Variants in ZBTB20 observed in about 807,000 individuals in gnomAD.
The protein encoded by ZBTB20 is zinc finger and BTB domain containing 20.
ZBTB20 carries 9 observed loss-of-function variants against 56.9 expected under a neutral mutation model. The observed-to-expected ratio is 0.16, with a 90% confidence interval of 0.10 to 0.28. The LOEUF (loss-of-function observed/expected upper bound fraction) is 0.28, where lower values mean the gene tolerates loss of function less well. Ranked by LOEUF, ZBTB20 falls within the 10% of genes least tolerant of loss-of-function variation. The pLI, the probability that ZBTB20 is intolerant of heterozygous loss-of-function variation, is 1.00. For missense variants in ZBTB20, 655 were observed against 1,003.0 expected, an observed-to-expected ratio of 0.65 and a Z score of 4.69; for synonymous variants, 417 against 420.7, an observed-to-expected ratio of 0.99 and a Z score of 0.11.
chr3:114,923,426 T>C (rs2076032337), intron 3 of ZBTB20, among the ~76,000 whole-genome samples: 1 of 152,156 alleles, frequency 6.6e-6, no homozygotes, highest in South Asian at 2.1e-4. Flanking sequence ...CACACTTGTA[T>C]GGTTAACTAA....
chr3:115,143,266 A>C (rs1326821670), intron 1 of ZBTB20, among the ~76,000 whole-genome samples: 1 of 152,216 alleles, frequency 6.6e-6, no homozygotes, highest in Non-Finnish European at 1.5e-5. Flanking sequence ...TGCCAATCAA[A>C]TGCTTTTGAA....
chr3:114,488,014 T>C (rs761331530), intron 7 of ZBTB20, among the ~76,000 whole-genome samples: 4 of 152,240 alleles, frequency 2.6e-5, no homozygotes, highest in Admixed American at 6.5e-5. Flanking sequence ...TTCTGGAGTC[T>C]AAGGCAGAGC....
chr3:114,990,166 T>C (rs1172336924), intron 2 of ZBTB20, among the ~76,000 whole-genome samples: 1 of 152,202 alleles, frequency 6.6e-6, no homozygotes, highest in Non-Finnish European at 1.5e-5. Flanking sequence ...AGAGAGGGCA[T>C]CCCTGTCTTG....
rs62266263 is a variant in ZBTB20 at position 114,599,576 on chromosome 3, C to T, written c.-295+93952G>A. On this transcript the variant is annotated intron_variant, in intron 6 of 11. Transcript: ENST00000675478. ...AAGAATTTTCCTACCTTTGTTGTTG[C>T]TGTTATTGAAAAGAAGATAATAATG... 5.8e-3 allele frequency among the ~76,000 whole-genome samples: 886 copies of T among 152,102 alleles called. 2 individuals are homozygous for T. The highest frequency in any genetic ancestry group is 0.015 in the Admixed American group (228 of 15,240).
chr3:114,384,667 G>A (rs1033526442), intron 8 of ZBTB20, among the ~76,000 whole-genome samples: 1 of 152,212 alleles, frequency 6.6e-6, no homozygotes, highest in African/African-American at 2.4e-5. Context: ...GGCCGAGTTA[G>A]CCAGCAGAGC....
At chr3:114,538,656 T>C (rs2048759041) in intron 6 of ZBTB20, among the ~76,000 whole-genome samples, 1 of 152,102 alleles carries the variant, frequency 6.6e-6, no homozygotes, top group Non-Finnish European at 1.5e-5. Context: ...GATACACATG[T>C]TTGAATATTC....
chr3:114,395,386 T>C (rs997314448), intron 7 of ZBTB20, among the ~76,000 whole-genome samples: 1 of 152,154 alleles, frequency 6.6e-6, no homozygotes, highest in African/African-American at 2.4e-5. Flanking sequence ...GGCTCAGCTT[T>C]TCTATCTGCA....
chr3:114,795,464 A>ACAGAAAGTCTGATT (rs1419702576), intron 5 of ZBTB20, among the ~76,000 whole-genome samples: 1 of 152,120 alleles, frequency 6.6e-6, no homozygotes, highest in Non-Finnish European at 1.5e-5. Context: ...TTCTTTGAAT[A>ACAGAAAGTCTGATT]CAGAAAGTCT....
chr3:114,962,023 T>C (rs1463941969), intron 3 of ZBTB20, among the ~76,000 whole-genome samples: 1 of 152,228 alleles, frequency 6.6e-6, no homozygotes, highest in South Asian at 2.1e-4. Flanking sequence ...TTACTGCTGT[T>C]GCATAAGTTA....
At chr3:115,135,681 T>C (rs1177040367) in intron 1 of ZBTB20, among the ~76,000 whole-genome samples, 1 of 152,166 alleles carries the variant, frequency 6.6e-6, no homozygotes, top group African/African-American at 2.4e-5. Flanking sequence ...GCTATTTATA[T>C]AGGAATTACA....
intron 3 of ZBTB20, among the ~76,000 whole-genome samples, chr3:114,926,471 A>G (rs2076162586): frequency 6.6e-6 from 1 of 152,194 alleles, no homozygotes; most frequent in African/African-American, 2.4e-5. Flanking sequence ...AAACTCTTGT[A>G]TTATTACTAA....
At chr3:114,727,551 T>C (rs1179898168) in intron 5 of ZBTB20, among the ~76,000 whole-genome samples, 5 of 152,216 alleles carry the variant, frequency 3.3e-5, no homozygotes, top group Non-Finnish European at 7.3e-5. Context: ...GTGGTAACTA[T>C]ACTGTAAGAA....
intron 6 of ZBTB20, among the ~76,000 whole-genome samples, chr3:114,542,356 TAGAGCTAA>T (rs1297827851): frequency 6.6e-6 from 1 of 152,186 alleles, no homozygotes; most frequent in African/African-American, 2.4e-5. Flanking sequence ...TATAAGAGCT[TAGAGCTAA>T]AGTGCCACCT....
At chr3:114,528,935 G>C (rs2047534109) in intron 6 of ZBTB20, 1 of 152,130 alleles carries the variant, frequency 6.6e-6, no homozygotes, top group Non-Finnish European at 1.5e-5. Context: ...TACCCATGCA[G>C]GTGAAGCTAG....
At chr3:115,055,408 A>G (rs908429542) in intron 2 of ZBTB20, among the ~76,000 whole-genome samples, 1 of 152,088 alleles carries the variant, frequency 6.6e-6, no homozygotes, top group Admixed American at 6.6e-5. Flanking sequence ...ACTGCAACCT[A>G]CAAGAGGCTC....
At chr3:114,590,786 G>C (rs1170094088) in intron 6 of ZBTB20, among the ~76,000 whole-genome samples, 2 of 152,120 alleles carry the variant, frequency 1.3e-5, no homozygotes, top group Non-Finnish European at 2.9e-5. Context: ...AAAGTGCCTG[G>C]AAAATGTGAA....
chr3:114,676,164 C>G (rs942261144), intron 6 of ZBTB20, among the ~76,000 whole-genome samples: 3 of 152,276 alleles, frequency 2.0e-5, no homozygotes, highest in South Asian at 2.1e-4. Context: ...GATCCTCTTC[C>G]CCAACTGATC....
chr3:114,805,853 C>T (rs959023478), intron 4 of ZBTB20, among the ~76,000 whole-genome samples: 1 of 151,746 alleles, frequency 6.6e-6, no homozygotes, highest in Admixed American at 6.6e-5. Context: ...AATATGTGAT[C>T]TCTTTCATGT....
intron 3 of ZBTB20, among the ~76,000 whole-genome samples, chr3:114,909,079 G>A (rs2075426628): frequency 6.6e-6 from 1 of 151,934 alleles, no homozygotes; most frequent in Non-Finnish European, 1.5e-5. Context: ...GCATCAGGTA[G>A]GTCCTTCAGG....
Sources: gnomAD v4.1 joint callset for allele counts (sites outside exome capture counted in the v4.1 genomes callset) on GRCh38, gnomAD v4.1.1 for gene constraint, MANE v1.5 for transcripts, NCBI Gene and HGNC (gene_info 2026-07-23, HGNC 2026-07-21) for gene names.